Variants in MTUS2 observed in about 807,000 individuals in gnomAD.
MTUS2 encodes microtubule-associated tumor suppressor candidate 2.
Under a neutral mutation model 114.1 loss-of-function variants are expected in MTUS2, and 40 were observed. The observed-to-expected ratio is 0.35, with a 90% CI of 0.27 to 0.46. The LOEUF (loss-of-function observed/expected upper bound fraction) is 0.46, where lower values mean the gene tolerates loss of function less well. Among genes scored for constraint, MTUS2 ranks in the 20% least tolerant of loss-of-function variants. The pLI, the probability that MTUS2 is intolerant of heterozygous loss-of-function variation, is 1.00. For synonymous variants in MTUS2, 688 were observed against 672.0 expected (o/e 1.02, Z -0.37); for missense variants, 1,679 against 1,705.4 (o/e 0.98, Z 0.27).
chr13:29,318,571 C>T (rs1193227352), intron 6 of MTUS2, among the ~76,000 whole-genome samples: 1 of 151,982 alleles, frequency 6.6e-6, no homozygotes, highest in Admixed American at 6.6e-5. Flanking sequence ...GATTGGGCAG[C>T]TTTAGGGCCC....
intron 5 of MTUS2, among the ~76,000 whole-genome samples, chr13:29,168,763 A>C (rs1220916750): frequency 6.6e-6 from 1 of 152,162 alleles, no homozygotes; most frequent in East Asian, 1.9e-4. Context: ...CCAGTATTCC[A>C]GGATCACTAT....
chr13:28,995,495 T>G (rs1038349862), intron 2 of MTUS2, among the ~76,000 whole-genome samples: 7 of 152,176 alleles, frequency 4.6e-5, no homozygotes, highest in Non-Finnish European at 7.3e-5. Flanking sequence ...TTGGGCAGTA[T>G]GGCCATTTTC....
chr13:29,181,011 T>A (rs1893980499), intron 5 of MTUS2, among the ~76,000 whole-genome samples: 1 of 152,238 alleles, frequency 6.6e-6, no homozygotes, highest in South Asian at 2.1e-4. Context: ...TGTTGAACTC[T>A]TTCTATAGCA....
intron 2 of MTUS2, among the ~76,000 whole-genome samples, chr13:28,996,622 C>T (rs1234908979): frequency 1.3e-5 from 2 of 152,064 alleles, no homozygotes; most frequent in Admixed American, 6.5e-5. Flanking sequence ...CTGGTTTAGT[C>T]TTGGGAGGGT....
At chr13:28,850,699 A>G (rs1295199103) in intron 2 of MTUS2, among the ~76,000 whole-genome samples, 2 of 152,232 alleles carry the variant, frequency 1.3e-5, no homozygotes. Flanking sequence ...TGTCTTAAGG[A>G]TGTCTCTAAA....
chr13:29,191,805 A>T (rs2139197061), intron 5 of MTUS2, among the ~76,000 whole-genome samples: 1 of 152,330 alleles, frequency 6.6e-6, no homozygotes. Flanking sequence ...TGGATGGCTA[A>T]CATTATATAG....
At chr13:29,020,366 A>G (rs990753845) in intron 2 of MTUS2, among the ~76,000 whole-genome samples, 10 of 152,162 alleles carry the variant, frequency 6.6e-5, no homozygotes, top group African/African-American at 2.4e-4. Flanking sequence ...TACAAGTTTG[A>G]ACTTCTGTGA....
chr13:29,456,289 C>G (rs1879104244), intron 9 of MTUS2, among the ~76,000 whole-genome samples: 1 of 152,016 alleles, frequency 6.6e-6, no homozygotes, highest in Non-Finnish European at 1.5e-5. Context: ...GATAGATCAA[C>G]AGATATTAGC....
chr13:29,312,203 G>A (rs898079700), intron 6 of MTUS2, among the ~76,000 whole-genome samples: 1 of 152,182 alleles, frequency 6.6e-6, no homozygotes, highest in East Asian at 1.9e-4. Context: ...CCTCTGGGCT[G>A]GTGCTTGCTA....
intron 5 of MTUS2, among the ~76,000 whole-genome samples, chr13:29,267,100 G>A (rs1897694017): frequency 6.6e-6 from 1 of 152,152 alleles, no homozygotes; most frequent in Admixed American, 6.5e-5. Flanking sequence ...GGGCTAACCT[G>A]GTGCCCATCA....
At chr13:29,195,767 C>G (rs545096490) in intron 5 of MTUS2, among the ~76,000 whole-genome samples, 2 of 152,178 alleles carry the variant, frequency 1.3e-5, no homozygotes, top group African/African-American at 4.8e-5. Flanking sequence ...GGGAAACAAT[C>G]TCAGCAGTAA....
intron 9 of MTUS2, among the ~76,000 whole-genome samples, chr13:29,452,475 G>T (rs1249013267): frequency 6.6e-6 from 1 of 151,716 alleles, no homozygotes; most frequent in Non-Finnish European, 1.5e-5. Context: ...ACGTGCAATT[G>T]TAACTCCTGG....
At chr13:28,941,109 C>T (rs1049851901) in intron 2 of MTUS2, among the ~76,000 whole-genome samples, 3 of 151,686 alleles carry the variant, frequency 2.0e-5, no homozygotes, top group Non-Finnish European at 2.9e-5. Context: ...GATCTTAACA[C>T]CTCCTCTTCA....
rs547460000 is a variant in MTUS2 at position 28,899,567 on chromosome 13, G to A, written c.-243+59717G>A. On this transcript the variant is annotated intron_variant, in intron 2 of 15. Coordinates refer to ENST00000612955, the MANE Select transcript of MTUS2 (RefSeq NM_001033602.4). ...TGGGACTACAGGCGCCCACCACCAC[G>A]CCTGGCTAATTTTTTTGAATTTTTA... Among the ~76,000 whole-genome samples, 7 of 151,964 alleles carry A rather than the reference G, an allele frequency of 4.6e-5. No homozygotes were observed. In the South Asian group the frequency reaches 6.2e-4, roughly 14 times the overall value.
chr13:29,355,522 G>T (rs1869663607), intron 7 of MTUS2, among the ~76,000 whole-genome samples: 1 of 152,262 alleles, frequency 6.6e-6, no homozygotes, highest in African/African-American at 2.4e-5. Context: ...CCCTGGGCAA[G>T]GTGGTCAGAA....
chr13:28,844,207 G>A (rs1875705988), intron 2 of MTUS2, among the ~76,000 whole-genome samples: 1 of 152,164 alleles, frequency 6.6e-6, no homozygotes, highest in Non-Finnish European at 1.5e-5. Flanking sequence ...TGGGGAGTTT[G>A]CATAGGGAGA....
At chr13:29,170,805 A>G (rs141805956) in intron 5 of MTUS2, among the ~76,000 whole-genome samples, 4 of 152,314 alleles carry the variant, frequency 2.6e-5, no homozygotes, top group Non-Finnish European at 5.9e-5. Flanking sequence ...TACTTCCCAT[A>G]AAGTGTGTGT....
At chr13:29,226,935 C>T (rs1468605876) in intron 5 of MTUS2, among the ~76,000 whole-genome samples, 1 of 152,096 alleles carries the variant, frequency 6.6e-6, no homozygotes, top group Non-Finnish European at 1.5e-5. Flanking sequence ...CAAGTCTTCT[C>T]TTCCCTTCTT....
At chr13:29,061,852 A>C (rs1032954475) in intron 4 of MTUS2, among the ~76,000 whole-genome samples, 2 of 152,130 alleles carry the variant, frequency 1.3e-5, no homozygotes, top group Non-Finnish European at 2.9e-5. Context: ...TCATGTGTGA[A>C]CTTTCTCTTA....
Sources: allele counts gnomAD v4.1 joint callset (sites outside exome capture counted in the v4.1 genomes callset), GRCh38; gene constraint gnomAD v4.1.1; transcripts MANE v1.5; gene names NCBI Gene and HGNC (gene_info 2026-07-23, HGNC 2026-07-21).